Variants in SLC14A2 observed in about 807,000 individuals in gnomAD.
SLC14A2 encodes urea transporter 2.
Under a neutral mutation model 104.6 loss-of-function variants are expected in SLC14A2, and 91 were observed. The ratio of observed to expected loss-of-function variants is 0.87; its 90% CI spans 0.73 to 1.04. The LOEUF is 1.04. Among genes scored for constraint, SLC14A2 ranks in the 50% least tolerant of loss-of-function variants. The pLI is 0.00. For synonymous variants in SLC14A2, 476 were observed against 466.4 expected (o/e 1.02, Z -0.27); for missense variants, 1,189 against 1,156.0 (o/e 1.03, Z -0.41).
At chr18:45,588,602 CTAAA>C (rs1326039985) in intron 2 of SLC14A2, among the ~76,000 whole-genome samples, 1 of 152,198 alleles carries the variant, frequency 6.6e-6, no homozygotes, top group East Asian at 1.9e-4. Flanking sequence ...GAGGGTGTTA[CTAAA>C]ACTCCTCTCT....
intron 2 of SLC14A2, among the ~76,000 whole-genome samples, chr18:45,575,607 G>A (rs2044407333): frequency 1.3e-5 from 2 of 152,284 alleles, no homozygotes; most frequent in South Asian, 4.1e-4. Flanking sequence ...TAATTTTAAA[G>A]AACACCGCAT....
chr18:45,630,088 T>C (rs1457816524), intron 4 of SLC14A2, among the ~76,000 whole-genome samples: 1 of 152,228 alleles, frequency 6.6e-6, no homozygotes, highest in Non-Finnish European at 1.5e-5. Flanking sequence ...TGAATTGTTC[T>C]GTAATTAATT....
upstream of SLC14A2, among the ~76,000 whole-genome samples, chr18:45,613,239 G>T (rs1251606403): frequency 1.3e-5 from 2 of 151,906 alleles, no homozygotes; most frequent in African/African-American, 4.8e-5. Flanking sequence ...TTTCACCGTG[G>T]TCTTGATCTC....
At chr18:45,380,446 G>A (rs547594303) in intron 1 of SLC14A2, among the ~76,000 whole-genome samples, 13 of 152,206 alleles carry the variant, frequency 8.5e-5, no homozygotes, top group Non-Finnish European at 1.6e-4. Flanking sequence ...TATGGGGAAG[G>A]GTCTAAGGAA....
intron 1 of SLC14A2, among the ~76,000 whole-genome samples, chr18:45,289,727 G>A (rs2084850522): frequency 1.3e-5 from 2 of 152,210 alleles, no homozygotes; most frequent in Non-Finnish European, 2.9e-5. Flanking sequence ...GCAGAAAGGA[G>A]GTGGTGTCTG....
intron 2 of SLC14A2, among the ~76,000 whole-genome samples, chr18:45,571,828 A>G (rs1207613401): frequency 6.6e-6 from 1 of 152,236 alleles, no homozygotes; most frequent in African/African-American, 2.4e-5. Context: ...AACAACAGAA[A>G]CATTTTCTCA....
chr18:45,464,698 G>A (rs530435576), intron 1 of SLC14A2, among the ~76,000 whole-genome samples: 4 of 152,276 alleles, frequency 2.6e-5, no homozygotes, highest in Non-Finnish European at 5.9e-5. Flanking sequence ...AGTTCCACTC[G>A]TAGAGCAGTC....
At chr18:45,270,733 A>C (rs1176462175) in intron 1 of SLC14A2, among the ~76,000 whole-genome samples, 1 of 152,144 alleles carries the variant, frequency 6.6e-6, no homozygotes, top group Non-Finnish European at 1.5e-5. Context: ...TATTTCTATG[A>C]GATCTTAAGA....
At chr18:45,503,463 T>G (rs1344630051) in intron 2 of SLC14A2, among the ~76,000 whole-genome samples, 1 of 152,224 alleles carries the variant, frequency 6.6e-6, no homozygotes, top group African/African-American at 2.4e-5. Context: ...GTCTGGTTCT[T>G]ATTTTTCCTC....
chr18:45,394,663 T>G (rs1428570716), intron 1 of SLC14A2, among the ~76,000 whole-genome samples: 4 of 152,188 alleles, frequency 2.6e-5, no homozygotes, highest in Non-Finnish European at 5.9e-5. Context: ...TAGAGAAATG[T>G]CCATTCAAGG....
intron 14 of SLC14A2, 134 bp from the exon 15 acceptor site, chr18:45,668,215 C>A: frequency 7.8e-7 from 1 of 1,275,766 alleles, no homozygotes; most frequent in Non-Finnish European, 1.1e-6. Flanking sequence ...TGTCTTCCTT[C>A]CCCACTCCCA....
intron 1 of SLC14A2, among the ~76,000 whole-genome samples, chr18:45,338,463 A>C (rs953109426): frequency 2.0e-5 from 3 of 152,020 alleles, no homozygotes; most frequent in African/African-American, 7.2e-5. Context: ...TGCCTCCCAA[A>C]GTGTTGGGAT....
chr18:45,268,580 C>G (rs1359397346), intron 1 of SLC14A2, among the ~76,000 whole-genome samples: 1 of 152,168 alleles, frequency 6.6e-6, no homozygotes, highest in African/African-American at 2.4e-5. Flanking sequence ...TTTGGGATAG[C>G]AACACGGTTA....
chr18:45,180,342 GA>G, the SLC14A2 span, among the ~76,000 whole-genome samples: 11 of 152,220 alleles, frequency 7.2e-5, 1 homozygote, highest in Admixed American at 2.0e-4. Flanking sequence ...AGGATTAATT[GA>G]GTTATTATTC....
At chr18:45,637,328 T>C in intron 6 of SLC14A2, 146 bp downstream of exon 6, 1 of 627,548 alleles carries the variant, frequency 1.6e-6, no homozygotes, top group Non-Finnish European at 2.7e-6. Context: ...CAGAAAGGGT[T>C]GCTGCCACAT....
chr18:45,513,194 C>A (rs1207959406), intron 2 of SLC14A2, among the ~76,000 whole-genome samples: 1 of 152,182 alleles, frequency 6.6e-6, no homozygotes, highest in Non-Finnish European at 1.5e-5. Flanking sequence ...AGCATATCTT[C>A]ATCTTATATA....
At chr18:45,527,144 C>T (rs1192022549) in intron 2 of SLC14A2, among the ~76,000 whole-genome samples, 1 of 152,180 alleles carries the variant, frequency 6.6e-6, no homozygotes, top group Non-Finnish European at 1.5e-5. Context: ...TCCCAAGAAT[C>T]TTCCAAGAAA....
At chr18:45,679,245 G>A (rs2046277525) in intron 19 of SLC14A2, among the ~76,000 whole-genome samples, 1 of 152,144 alleles carries the variant, frequency 6.6e-6, no homozygotes, top group Non-Finnish European at 1.5e-5. Context: ...TCATCAGTAG[G>A]CCAGGAACTC....
chr18:45,346,328 G>A (rs2085447510), intron 1 of SLC14A2, among the ~76,000 whole-genome samples: 1 of 151,914 alleles, frequency 6.6e-6, no homozygotes, highest in Non-Finnish European at 1.5e-5. Context: ...GCTAATTTTT[G>A]GTATTTTTAG....
Sources: gnomAD v4.1 joint callset for allele counts (sites outside exome capture counted in the v4.1 genomes callset) on GRCh38, gnomAD v4.1.1 for gene constraint, MANE v1.5 for transcripts, NCBI Gene and HGNC (gene_info 2026-07-23, HGNC 2026-07-21) for gene names.